Variants in ASB18 observed in about 807,000 individuals in gnomAD.
ASB18 encodes the protein ankyrin repeat and SOCS box containing 18.
A neutral mutation model predicts 33.4 loss-of-function variants in ASB18; 33 were observed. The ratio of observed to expected loss-of-function variants is 0.99; its 90% CI spans 0.75 to 1.32. The LOEUF (loss-of-function observed/expected upper bound fraction) is 1.32, where lower values mean the gene tolerates loss of function less well. Among genes scored for constraint, ASB18 ranks in the 40% most tolerant of loss-of-function variants. The probability of loss-of-function intolerance (pLI) is 0.00; values close to 1 mark genes in which losing one functional copy is unlikely to be tolerated. For missense variants in ASB18, 694 were observed against 655.5 expected, an observed-to-expected ratio of 1.06 and a Z score of -0.64; for synonymous variants, 295 against 307.6, an observed-to-expected ratio of 0.96 and a Z score of 0.43.
rs1024447858 is a variant in ASB18 at position 236,193,900 on chromosome 2, C to T, written c.*972G>A. Among the ~76,000 whole-genome samples, 24 of 149,242 alleles carry T rather than the reference C, an allele frequency of 1.6e-4. No individual in the cohort carries two copies. Among genetic ancestry groups the T allele is most frequent in the African/African-American group, 5.4e-4 (22 of 40,880 alleles). ...AAGCTGAGCAAGTGAGGTGAGCTGT[C>T]GTGTCTGAATTGTCCCAGTGTTGTG... On this transcript the variant is annotated 3_prime_UTR_variant, in exon 6 of 6. Transcript: ENST00000409749. The surrounding 1 kb of genome is among the most constrained non-coding windows in gnomAD (Gnocchi z 5.0).
chr2:236,225,126 T>G lies in ASB18; in HGVS notation c.597-10260A>C, dbSNP rs2106273747. Among the ~76,000 whole-genome samples the G allele has an allele frequency of 6.6e-6, 1 of 152,258 alleles. No homozygotes were observed. Among genetic ancestry groups the G allele is most frequent in the South Asian group, 2.1e-4 (1 of 4,828 alleles). On this transcript the variant is annotated intron_variant, in intron 3 of 5. Transcript: ENST00000409749. This position sits in a 1 kb window ranked among gnomAD's most constrained non-coding sequence, Gnocchi z 5.1. ...CAGCTCATGAATCATTTTTAATTTA[T>G]TTTTTGTTTTTTTAAGACAGAGTCT... is the stretch of plus-strand genomic sequence containing the variant.
intron 2 of ASB18, among the ~76,000 whole-genome samples, chr2:236,240,525 T>C (rs951770186): frequency 6.6e-6 from 1 of 152,164 alleles, no homozygotes; most frequent in African/African-American, 2.4e-5. Context: ...AACTTCTTGG[T>C]AAATATGTTG....
Position 236,214,506 on chromosome 2 carries a change from CGCG to C in ASB18, c.954_956del (p.Asp318_Ala319delinsGlu). ...AGGCCCCGCCATAGTCGAGCGCGCC[CGCG>C]TCGGCGCCGTGCCGCAGTAGGAGGC... On this transcript the variant is annotated inframe_deletion, in exon 4 of 6. Coordinates refer to ENST00000409749, the MANE Select transcript of ASB18 (RefSeq NM_212556.4). The surrounding 1 kb of genome is among the most constrained non-coding windows in gnomAD (Gnocchi z 6.5). 6.8e-7 allele frequency: 1 copy of C among 1,477,202 alleles called. No individual in the cohort carries two copies. The highest frequency in any genetic ancestry group is 2.4e-5 in the Admixed American group (1 of 41,052). The allele number at this position is 1,477,202 out of a possible 1,614,324, so 91.5% of individuals were successfully genotyped here. A position where few individuals can be genotyped will look rare whatever the true frequency, so the allele number is the denominator to read the frequency against.
In ASB18 at chr2:236,241,380, G is replaced by A; in HGVS notation, c.228C>T (p.Pro76=). 1 of 1,613,946 alleles carries A rather than the reference G, an allele frequency of 6.2e-7. No individual in the cohort carries two copies. The highest frequency in any genetic ancestry group is 8.5e-7 in the Non-Finnish European group (1 of 1,179,874). ...MLLGDLDHLK[P]LMDQFFQDAN... ...CATCCTGGAAGAACTGGTCCATGAG[G>A]GGCTTCAGATGGTCGAGGTCCCCTG... is the stretch of plus-strand genomic sequence containing the variant. Residue 76 remains proline (P), a synonymous_variant, in exon 2 of 6, where the codon CCC becomes CCT. Transcript: ENST00000409749. The surrounding 1 kb of genome is among the most constrained non-coding windows in gnomAD (Gnocchi z 4.2).
At position 236,211,610 on chromosome 2, in the gene ASB18, G is replaced by A. The variant is rs533710684; in HGVS notation, c.1101+2752C>T. ...GACTCTACGCTCGGCTCGCCATGGC[G>A]CCCGTGTGGTGCCTGCCCAGCATCT... On this transcript the variant is annotated intron_variant, in intron 4 of 5. Transcript: ENST00000409749. This position sits in a 1 kb window ranked among gnomAD's most constrained non-coding sequence, Gnocchi z 5.0. 7.9e-5 allele frequency among the ~76,000 whole-genome samples: 12 copies of A among 152,348 alleles called. No individual in the cohort carries two copies. In the South Asian group the frequency reaches 1.7e-3, roughly 21 times the overall value.
Position 236,217,299 on chromosome 2 carries a change from C to T in ASB18, c.597-2433G>A, listed in dbSNP as rs558771112. Among the ~76,000 whole-genome samples the T allele has an allele frequency of 4.6e-5, 7 of 151,750 alleles. No individual in the cohort carries two copies. The South Asian group carries it at 1.2e-3, about 27-fold the overall frequency. On this transcript the variant is annotated intron_variant, in intron 3 of 5. Transcript: ENST00000409749. The surrounding 1 kb of genome is among the most constrained non-coding windows in gnomAD (Gnocchi z 5.2). Reference sequence around the variant, plus strand: ...GTGGATGCATGTAATCCCAGCCACTCGGGAGGCTGAGGCAGGAGAATCACT... The same window carrying T: ...GTGGATGCATGTAATCCCAGCCACTTGGGAGGCTGAGGCAGGAGAATCACT...
chr2:236,201,136 C>CTCCT (rs950936523), intron 4 of ASB18, among the ~76,000 whole-genome samples: 4 of 150,048 alleles, frequency 2.7e-5, no homozygotes, highest in South Asian at 2.1e-4. Context: ...CCTTCCTTCC[C>CTCCT]TCCTTCCTTC....
In ASB18 at chr2:236,255,293, A is replaced by C. The variant is rs988317275; in HGVS notation, c.205+8848T>G. ...TGAGTAGCTGAAATTACAGGCGCCC[A>C]CCACGACGCCCAGCTAATTTATATA... On this transcript the variant is annotated intron_variant, in intron 1 of 5. Transcript: ENST00000409749. This position sits in a 1 kb window ranked among gnomAD's most constrained non-coding sequence, Gnocchi z 4.4. Among the ~76,000 whole-genome samples, 4 of 152,044 alleles carry C rather than the reference A, an allele frequency of 2.6e-5. No homozygotes were observed. The highest frequency in any genetic ancestry group is 2.0e-4 in the Admixed American group (3 of 15,270).
At chr2:236,206,330 T>C (rs925762497) in intron 4 of ASB18, among the ~76,000 whole-genome samples, 1 of 152,180 alleles carries the variant, frequency 6.6e-6, no homozygotes, top group Admixed American at 6.5e-5. Flanking sequence ...AGTTATTGGT[T>C]CAGAGAAGGG....
rs2060549471 is a variant in ASB18 at position 236,228,231 on chromosome 2, C to T, written c.596+9458G>A. Among the ~76,000 whole-genome samples the T allele has an allele frequency of 6.6e-6, 1 of 152,184 alleles. No homozygotes were observed. The highest frequency in any genetic ancestry group is 2.4e-5 in the African/African-American group (1 of 41,438). On this transcript the variant is annotated intron_variant, in intron 3 of 5. Transcript: ENST00000409749. This position sits in a 1 kb window ranked among gnomAD's most constrained non-coding sequence, Gnocchi z 5.1. ...TGTAGCCAAGGATGGAAATGTGTCACAAGGTTGGAACTTACTCCCCAATAT... is the reference window on the plus strand; with the variant it reads ...TGTAGCCAAGGATGGAAATGTGTCATAAGGTTGGAACTTACTCCCCAATAT...
intron 1 of ASB18, among the ~76,000 whole-genome samples, chr2:236,258,309 T>G (rs1470036183): frequency 1.3e-5 from 2 of 152,142 alleles, no homozygotes; most frequent in Non-Finnish European, 2.9e-5. Context: ...GTCCAATTGG[T>G]AAAGATGCTT....
chr2:236,246,856 G>A (rs2060647120), intron 1 of ASB18, among the ~76,000 whole-genome samples: 1 of 152,102 alleles, frequency 6.6e-6, no homozygotes, highest in Admixed American at 6.5e-5. Flanking sequence ...CTAATTGTTT[G>A]TGATTGGATA....
rs2106271026 is a variant in ASB18, at chr2:236,219,020, C to A, written c.597-4154G>T. Among the ~76,000 whole-genome samples, 1 of 151,866 alleles carries A rather than the reference C, an allele frequency of 6.6e-6. No homozygotes were observed. The highest frequency in any genetic ancestry group is 2.1e-4 in the South Asian group (1 of 4,796). ...AAGTAGCTGGGACTATAGCCGAGTG[C>A]CCCCATGCTTGGCTAATTTTTTTTT... On this transcript the variant is annotated intron_variant, in intron 3 of 5. Transcript: ENST00000409749. The surrounding 1 kb of genome is among the most constrained non-coding windows in gnomAD (Gnocchi z 6.4).
Position 236,214,770 on chromosome 2 carries a change from C to T in ASB18, c.693G>A (p.Leu231=), listed in dbSNP as rs2060478363. Residue 231 remains leucine, a synonymous_variant, in exon 4 of 6, where the codon CTG becomes CTA. Transcript: ENST00000409749. This position sits in a 1 kb window ranked among gnomAD's most constrained non-coding sequence, Gnocchi z 6.5. The part of the protein sequence containing the change: ...TPLHVAAQRG[L]DEHARLYLGR... The stretch of plus-strand genomic sequence containing the variant: ...CCAGGTACAGGCGCGCGTGCTCGTC[C>T]AGGCCGCGCTGCGCCGCCACGTGCA... The T allele has an allele frequency of 4.2e-6, 5 of 1,190,676 alleles. No homozygotes were observed. The highest frequency in any genetic ancestry group is 5.2e-6 in the Non-Finnish European group (5 of 961,608). The allele number at this position is 1,190,676 out of a possible 1,614,324, so 73.8% of individuals were successfully genotyped here.
chr2:236,237,791 G>A lies in ASB18; in HGVS notation c.494C>T (p.Thr165Ile). ...ALHEACLGGHTACVRLLLQHR... is the reference protein window; with the variant it reads ...ALHEACLGGHIACVRLLLQHR... The stretch of plus-strand genomic sequence containing the variant: ...CTGCAGCAGCAGGCGGACGCAGGCG[G>A]TGTGGCCCCCGAGGCAGGCCTCGTG... Residue 165 changes from threonine (T) to isoleucine (I), a missense_variant, in exon 3 of 6, where the codon ACC becomes ATC. Coordinates refer to ENST00000409749, the MANE Select transcript of ASB18 (RefSeq NM_212556.4). This position sits in a 1 kb window ranked among gnomAD's most constrained non-coding sequence, Gnocchi z 6.2. 1 of 1,438,850 alleles carries A rather than the reference G, an allele frequency of 6.9e-7. No homozygotes were observed. The highest frequency in any genetic ancestry group is 1.4e-5 in the South Asian group (1 of 72,932). 89.1% of individuals were successfully genotyped at this position (1,438,850 alleles called of 1,614,324 possible).
intron 2 of ASB18, among the ~76,000 whole-genome samples, chr2:236,240,723 C>A (rs951425898): frequency 6.6e-6 from 1 of 152,218 alleles, no homozygotes; most frequent in Admixed American, 6.5e-5. Flanking sequence ...GCAAGAGCAC[C>A]TGCAGACACG....
chr2:236,261,645 A>G (rs2060719208), intron 1 of ASB18, among the ~76,000 whole-genome samples: 1 of 152,216 alleles, frequency 6.6e-6, no homozygotes, highest in African/African-American at 2.4e-5. Context: ...GCAGTGCTGA[A>G]TCATTAGGTA....
Position 236,237,702 on chromosome 2 carries a change from C to T in ASB18, c.583G>A (p.Ala195Thr), listed in dbSNP as rs2060601255. 6.9e-7 allele frequency: 1 copy of T among 1,453,372 alleles called. No homozygotes were observed. Among genetic ancestry groups the T allele is most frequent in the South Asian group, 1.3e-5 (1 of 75,622 alleles). The allele number at this position is 1,453,372 out of a possible 1,614,324, so 90.0% of individuals were successfully genotyped here. Residue 195 changes from alanine to threonine, a missense_variant, in exon 3 of 6, where the codon GCC (alanine) becomes ACC (threonine). Transcript: ENST00000409749. The surrounding 1 kb of genome is among the most constrained non-coding windows in gnomAD (Gnocchi z 6.2). ...CGAGGTCCTTACCCGAGCGAGGCGG[C>T]CGTGCGGCAGAGGTGCAGAGGCGCC... ...GLAPLHLCRT[A>T]ASLGCAQALL...
chr2:236,228,546 G>A lies in ASB18; in HGVS notation c.596+9143C>T, dbSNP rs2060551120. Among the ~76,000 whole-genome samples the A allele has an allele frequency of 6.6e-6, 1 of 152,214 alleles. No individual in the cohort carries two copies. The highest frequency in any genetic ancestry group is 6.5e-5 in the Admixed American group (1 of 15,284). On this transcript the variant is annotated intron_variant, in intron 3 of 5. Transcript: ENST00000409749. This position sits in a 1 kb window ranked among gnomAD's most constrained non-coding sequence, Gnocchi z 5.1. Reference sequence around the variant, plus strand: ...GTGGAAAGAGCCACCTGAAAGGAAGGATTAGAACCGACTGAAATATGTCAA... The same window carrying A: ...GTGGAAAGAGCCACCTGAAAGGAAGAATTAGAACCGACTGAAATATGTCAA...
Sources: gnomAD v4.1 joint callset for allele counts (sites outside exome capture counted in the v4.1 genomes callset) on GRCh38, gnomAD v4.1.1 for gene constraint, Gnocchi (gnomAD v3.1) non-coding constraint, MANE v1.5 for transcripts, NCBI Gene and HGNC (gene_info 2026-07-23, HGNC 2026-07-21) for gene names.